Variants in FAM184B observed in about 807,000 individuals in gnomAD.
FAM184B encodes family with sequence similarity 184 member B.
Under a neutral mutation model 135.9 loss-of-function variants are expected in FAM184B, and 111 were observed. That is an observed-to-expected ratio of 0.82 (90% confidence interval 0.70 to 0.96). The LOEUF is 0.96. Among genes scored for constraint, FAM184B ranks in the 40% least tolerant of loss-of-function variants. The pLI, the probability that FAM184B is intolerant of heterozygous loss-of-function variation, is 0.00. For missense variants in FAM184B, 1,375 were observed against 1,323.9 expected, an observed-to-expected ratio of 1.04 and a Z score of -0.60; for synonymous variants, 552 against 524.8, an observed-to-expected ratio of 1.05 and a Z score of -0.71.
At chr4:17,760,200 T>C (rs1398022748) in intron 1 of FAM184B, among the ~76,000 whole-genome samples, 1 of 152,148 alleles carries the variant, frequency 6.6e-6, no homozygotes, top group Admixed American at 6.5e-5. Context: ...GCATGGTGGC[T>C]CACGCCTGTA....
chr4:17,746,459 G>A lies in FAM184B; in HGVS notation c.141+34700C>T, dbSNP rs926301998. On this transcript the variant is annotated intron_variant, in intron 1 of 17. Coordinates refer to ENST00000265018, the MANE Select transcript of FAM184B (RefSeq NM_015688.2). ...AAAGTAGATTCCTTTGGCAGGGCGC[G>A]GTGGCTCATGCCTGTGATCCCAGCA... is the stretch of plus-strand genomic sequence containing the variant. Among the ~76,000 whole-genome samples the A allele has an allele frequency of 9.2e-5, 14 of 151,970 alleles. No homozygotes were observed. In the East Asian group the frequency reaches 9.8e-4, roughly 11 times the overall value.
At position 17,647,873 on chromosome 4, in the gene FAM184B, G is replaced by A; in HGVS notation, c.2192-82C>T. On this transcript the variant is annotated intron_variant, in intron 11 of 17. Coordinates refer to ENST00000265018, the MANE Select transcript of FAM184B (RefSeq NM_015688.2). ...CATGGGGACAACAGTCTCTGGGGTG[G>A]GGTTGGATGACGTGGGTGGCTGCTG... 9.9e-6 allele frequency: 14 copies of A among 1,418,060 alleles called. 1 individual carries two copies. The highest frequency in any genetic ancestry group is 1.2e-5 in the Non-Finnish European group (13 of 1,059,766). The allele number at this position is 1,418,060 out of a possible 1,614,324, so 87.8% of individuals were successfully genotyped here. A position where few individuals can be genotyped will look rare whatever the true frequency, so the allele number is the denominator to read the frequency against.
At chr4:17,676,335 G>A (rs969629527) in intron 7 of FAM184B, among the ~76,000 whole-genome samples, 5 of 152,196 alleles carry the variant, frequency 3.3e-5, no homozygotes, top group Non-Finnish European at 4.4e-5. Flanking sequence ...CATCTTCTAC[G>A]GGCATGGTTT....
chr4:17,639,374 CTTGCTGAGT>C lies in FAM184B; in HGVS notation c.2533_2541del (p.Thr845_Gln847del). 1 of 1,551,674 alleles carries C rather than the reference CTTGCTGAGT, an allele frequency of 6.4e-7. No homozygotes were observed. The highest frequency in any genetic ancestry group is 1.7e-4 in the Middle Eastern group (1 of 5,958). On this transcript the variant is annotated inframe_deletion, in exon 14 of 18. Coordinates refer to ENST00000265018, the MANE Select transcript of FAM184B (RefSeq NM_015688.2). ...GTCTCCACCTCCCTGGCCCGCTGGGCTTGCTGAGTCTCCTCCAGGAACCTGTGGTGGATG... is the reference window on the plus strand; with the variant it reads ...GTCTCCACCTCCCTGGCCCGCTGGGCCTCCTCCAGGAACCTGTGGTGGATG...
intron 1 of FAM184B, among the ~76,000 whole-genome samples, chr4:17,734,811 C>T (rs961355796): frequency 3.6e-4 from 54 of 150,966 alleles, no homozygotes; most frequent in African/African-American, 1.3e-3. Context: ...TACCATTTGA[C>T]CCAGCCATCC....
chr4:17,776,830 G>C (rs886080148), intron 1 of FAM184B, among the ~76,000 whole-genome samples: 17 of 152,192 alleles, frequency 1.1e-4, no homozygotes, highest in African/African-American at 4.1e-4. Context: ...GGAAAGCTAG[G>C]TGAGTGCACA....
intron 1 of FAM184B, among the ~76,000 whole-genome samples, chr4:17,757,597 G>A (rs75098845): frequency 0.032 from 4,858 of 152,072 alleles, 249 homozygotes; most frequent in African/African-American, 0.11. Context: ...TTCTGAGATC[G>A]ATATAAAATG....
chr4:17,691,912 G>T (rs1401250367), intron 6 of FAM184B, among the ~76,000 whole-genome samples: 5 of 151,892 alleles, frequency 3.3e-5, no homozygotes, highest in Non-Finnish European at 7.4e-5. Context: ...AATTAGCCAG[G>T]CGTGGTGGCA....
chr4:17,653,859 A>G (rs1050211638), intron 10 of FAM184B, among the ~76,000 whole-genome samples: 3 of 47,512 alleles, frequency 6.3e-5, no homozygotes, highest in Non-Finnish European at 1.3e-4. Flanking sequence ...AAGGGTCCTT[A>G]TAAGAGGGCC....
At chr4:17,747,705 A>T (rs1481690720) in intron 1 of FAM184B, among the ~76,000 whole-genome samples, 1 of 151,900 alleles carries the variant, frequency 6.6e-6, no homozygotes, top group African/African-American at 2.4e-5. Flanking sequence ...GCGGATCATG[A>T]GGTCAGGAGA....
intron 1 of FAM184B, among the ~76,000 whole-genome samples, chr4:17,756,009 A>G (rs1012448631): frequency 6.6e-6 from 1 of 152,194 alleles, no homozygotes; most frequent in Non-Finnish European, 1.5e-5. Context: ...ACCATGGCAC[A>G]TGTTTACCTG....
chr4:17,661,145 G>A (rs1037278545), intron 8 of FAM184B, among the ~76,000 whole-genome samples: 7 of 152,190 alleles, frequency 4.6e-5, no homozygotes, highest in African/African-American at 1.7e-4. Context: ...ATCTTGGCCT[G>A]ATCTTCCTCC....
In FAM184B at chr4:17,631,944, G is replaced by A. The variant is rs553635937; in HGVS notation, c.*588C>T. On this transcript the variant is annotated 3_prime_UTR_variant, in exon 18 of 18. Transcript: ENST00000265018. ...AAAGTCTGATGTTCCACAAAATGGAGTATGATGTTATGGACACTAGAAATA... is the reference window on the plus strand; with the variant it reads ...AAAGTCTGATGTTCCACAAAATGGAATATGATGTTATGGACACTAGAAATA... The A allele has an allele frequency of 1.3e-5, 2 of 151,122 alleles. No individual in the cohort carries two copies. Among genetic ancestry groups the A allele is most frequent in the Admixed American group, 1.3e-4 (2 of 15,184 alleles). The allele number at this position is 151,122 out of a possible 1,614,324, so 9.4% of individuals were successfully genotyped here.
intron 1 of FAM184B, among the ~76,000 whole-genome samples, chr4:17,753,009 G>A (rs1055921662): frequency 2.6e-5 from 4 of 152,220 alleles, no homozygotes; most frequent in African/African-American, 9.6e-5. Flanking sequence ...ACTTTCTTCA[G>A]TTAGCAATGT....
At chr4:17,749,096 G>A (rs1312996488) in intron 1 of FAM184B, among the ~76,000 whole-genome samples, 1 of 150,644 alleles carries the variant, frequency 6.6e-6, no homozygotes, top group Non-Finnish European at 1.5e-5. Flanking sequence ...AACCTCCTGA[G>A]TAGCTGGGAT....
At position 17,642,193 on chromosome 4, in the gene FAM184B, C is replaced by A. The variant is rs769782479; in HGVS notation, c.2382G>T (p.Pro794=). ...CGCCGGAACCCTGCCCAGCAGCGCC[C>A]GGTGGGGAGCCGGCCTGGCCCGGGC... ...RGGPGQAGSP[P]GAAGQGSGEG... The change falls in exon 13 of 18, where the codon CCG becomes CCT. Residue 794 remains proline, a synonymous_variant. Transcript: ENST00000265018. 6.6e-7 allele frequency: 1 copy of A among 1,524,404 alleles called. No individual in the cohort carries two copies. Among genetic ancestry groups the A allele is most frequent in the South Asian group, 1.2e-5 (1 of 82,816 alleles). 94.4% of individuals were successfully genotyped at this position (1,524,404 alleles called of 1,614,324 possible). A position where few individuals can be genotyped will look rare whatever the true frequency, so the allele number is the denominator to read the frequency against.
intron 12 of FAM184B, among the ~76,000 whole-genome samples, chr4:17,644,208 A>G (rs190082490): frequency 3.8e-4 from 58 of 152,368 alleles, no homozygotes; most frequent in African/African-American, 1.4e-3. Flanking sequence ...GCTTTCTCCA[A>G]TGGGAACCAC....
In FAM184B at chr4:17,716,807, C is replaced by CTTTAT. The variant is rs572528327; in HGVS notation, c.142-7168_142-7164dup. Among the ~76,000 whole-genome samples the CTTTAT allele has an allele frequency of 2.3e-3, 349 of 152,080 alleles. 2 individuals carry two copies. The highest frequency in any genetic ancestry group is 7.6e-3 in the African/African-American group (314 of 41,522). ...GGCATTCTCAATACCAGAGCTTACC[C>CTTTAT]TTTATTTTATTTTATTTTATTCTAT... On this transcript the variant is annotated intron_variant, in intron 1 of 17. Coordinates refer to ENST00000265018, the MANE Select transcript of FAM184B (RefSeq NM_015688.2).
At chr4:17,682,157 A>G (rs6449322) in intron 7 of FAM184B, among the ~76,000 whole-genome samples, 145,586 of 152,240 alleles carry the variant, frequency 0.96, 69,909 homozygotes, top group East Asian at 1. Flanking sequence ...GCAGGTGTAT[A>G]TATGAAAACT....
Sources: gnomAD v4.1 joint callset for allele counts (sites outside exome capture counted in the v4.1 genomes callset) on GRCh38, gnomAD v4.1.1 for gene constraint, MANE v1.5 for transcripts, NCBI Gene and HGNC (gene_info 2026-07-23, HGNC 2026-07-21) for gene names.